The following YTHDF1 variants were observed in gnomAD, a reference collection of about 807,000 sequenced individuals.
The protein encoded by YTHDF1 is YTH N6-methyladenosine RNA binding protein F1.
Under a neutral mutation model 49.1 loss-of-function variants are expected in YTHDF1, and 16 were observed. The observed-to-expected ratio is 0.33, with a 90% CI of 0.22 to 0.49. The LOEUF is 0.49. YTHDF1 is among the 20% of genes least tolerant of loss of function. YTHDF1 has a pLI of 0.99. For synonymous variants in YTHDF1, 313 were observed against 290.1 expected (o/e 1.08, Z -0.80); for missense variants, 621 against 744.3 (o/e 0.83, Z 1.93).
Position 63,202,760 on chromosome 20 carries a change from T to G in YTHDF1, c.1180A>C (p.Ile394Leu). 2 of 1,614,210 alleles carry G rather than the reference T, an allele frequency of 1.2e-6. No homozygotes were observed. Among genetic ancestry groups the G allele is most frequent in the Non-Finnish European group, 1.7e-6 (2 of 1,180,052 alleles). ...WNLKSGRVFI[I>L]KSYSEDDIHR... The stretch of plus-strand genomic sequence containing the variant: ...ATGTCGTCCTCAGAGTAGCTCTTGA[T>G]GATGAACACACGCCCGCTTTTCAGA... The change falls in exon 4 of 5, where the codon ATC becomes CTC. Residue 394 changes from isoleucine to leucine, a missense_variant. Ile to Leu is a conservative substitution (Grantham distance 5). This residue lies in a region of YTHDF1 where 151 missense variants were observed against 248.5 expected (regional missense o/e 0.61). Transcript: ENST00000370339.
chr20:63,199,929 G>A (rs930127530), intron 4 of YTHDF1, among the ~76,000 whole-genome samples: 2 of 152,048 alleles, frequency 1.3e-5, no homozygotes, highest in South Asian at 2.1e-4. Context: ...GCGTGGTGGT[G>A]CACGCCTGTA....
chr20:63,199,837 CTGTT>C (rs11466920), intron 4 of YTHDF1, among the ~76,000 whole-genome samples: 46,599 of 151,740 alleles, frequency 0.31, 7,078 homozygotes, highest in Middle Eastern at 0.42. Context: ...GGTGGGAAGA[CTGTT>C]TGAGCCCAGG....
At chr20:63,207,682 C>T (rs958250418) in intron 3 of YTHDF1, among the ~76,000 whole-genome samples, 8 of 152,030 alleles carry the variant, frequency 5.3e-5, no homozygotes, top group African/African-American at 7.3e-5. Flanking sequence ...GCAGCCCCTG[C>T]GGAGAACTGA....
rs571461410 is a variant in YTHDF1, at chr20:63,206,893, CCCCACACTCCTT to C, written c.133-3098_133-3087del. 4.2e-4 allele frequency among the ~76,000 whole-genome samples: 62 copies of C among 147,450 alleles called. No individual in the cohort carries two copies. In the South Asian group the frequency reaches 0.012, roughly 29 times the overall value. Reference sequence around the variant, plus strand: ...TTATGAGCCACATGTCAGGCTGCTGCCCCACACTCCTTCCCTGGTGAGGGAAGCTGTCCCATT... The same window carrying C: ...TTATGAGCCACATGTCAGGCTGCTGCCCCTGGTGAGGGAAGCTGTCCCATT... On this transcript the variant is annotated intron_variant, in intron 3 of 4. Transcript: ENST00000370339.
chr20:63,203,588 G>A lies in YTHDF1; in HGVS notation c.352C>T (p.His118Tyr), dbSNP rs1372969466. The A allele has an allele frequency of 5.0e-6, 8 of 1,614,040 alleles. No homozygotes were observed. In the Admixed American group the frequency reaches 1.3e-4, roughly 27 times the overall value. ...TTTTCAGGGAAAAAATTGAACCTGT[G>A]CTGATAGATGTTGTTCCCCAGGCCC... is the stretch of plus-strand genomic sequence containing the variant. ...PGGLGNNIYQ[H>Y]RFNFFPENPA... Residue 118 changes from histidine to tyrosine, a missense_variant, in exon 4 of 5, where the codon CAC (histidine) becomes TAC (tyrosine). This residue lies in a region of YTHDF1 where 470 missense variants were observed against 495.8 expected (regional missense o/e 0.95). Transcript: ENST00000370339. This position sits in a 1 kb window ranked among gnomAD's most constrained non-coding sequence, Gnocchi z 4.4.
intron 3 of YTHDF1, among the ~76,000 whole-genome samples, chr20:63,210,938 T>C (rs1913895525): frequency 6.6e-6 from 1 of 152,144 alleles, no homozygotes. Context: ...CAGGGGCAAC[T>C]AGGACTGAAA....
intron 4 of YTHDF1, among the ~76,000 whole-genome samples, chr20:63,200,520 T>C (rs1220501371): frequency 6.6e-6 from 1 of 152,202 alleles, no homozygotes; most frequent in Non-Finnish European, 1.5e-5. Context: ...CTTCCAATGA[T>C]GCTCCACCAG....
At chr20:63,205,784 C>A (rs2066543109) in intron 3 of YTHDF1, among the ~76,000 whole-genome samples, 1 of 152,184 alleles carries the variant, frequency 6.6e-6, no homozygotes. Flanking sequence ...GCTGGAATTA[C>A]AGGCATGAGC....
At chr20:63,207,609 T>C (rs539683325) in intron 3 of YTHDF1, among the ~76,000 whole-genome samples, 70 of 152,344 alleles carry the variant, frequency 4.6e-4, no homozygotes, top group African/African-American at 1.7e-3. Flanking sequence ...ACCATGATCC[T>C]GTTACTCTGC....
At chr20:63,207,938 C>G (rs1393385641) in intron 3 of YTHDF1, among the ~76,000 whole-genome samples, 2 of 151,760 alleles carry the variant, frequency 1.3e-5, no homozygotes, top group Admixed American at 1.3e-4. Context: ...CTGCCATGAG[C>G]CAAGATCACG....
chr20:63,203,583 C>T lies in YTHDF1; in HGVS notation c.357G>A (p.Arg119=). Residue 119 remains arginine, a synonymous_variant, in exon 4 of 5, where the codon AGG becomes AGA. Transcript: ENST00000370339. This position sits in a 1 kb window ranked among gnomAD's most constrained non-coding sequence, Gnocchi z 4.4. ...GGLGNNIYQH[R]FNFFPENPAF... is the part of the protein sequence containing the mutation. Reference sequence around the variant, plus strand: ...CAGGGTTTTCAGGGAAAAAATTGAACCTGTGCTGATAGATGTTGTTCCCCA... The same window carrying T: ...CAGGGTTTTCAGGGAAAAAATTGAATCTGTGCTGATAGATGTTGTTCCCCA... 2 of 1,614,134 alleles carry T rather than the reference C, an allele frequency of 1.2e-6. No individual in the cohort carries two copies. Among genetic ancestry groups the T allele is most frequent in the Middle Eastern group, 3.3e-4 (2 of 6,062 alleles).
rs777245392 is a variant in YTHDF1, at chr20:63,196,663, G to C, written c.*45C>G. 6.2e-7 allele frequency: 1 copy of C among 1,612,550 alleles called. No homozygotes were observed. The highest frequency in any genetic ancestry group is 1.1e-5 in the South Asian group (1 of 90,932). On this transcript the variant is annotated 3_prime_UTR_variant, in exon 5 of 5. Transcript: ENST00000370339. ...TGACCAAGCACACGTGTTTTAAACT[G>C]TTTTCAAAGTCAAACGTTAGAACAT...
intron 3 of YTHDF1, among the ~76,000 whole-genome samples, chr20:63,206,364 T>TA (rs746335419): frequency 3.3e-5 from 5 of 152,200 alleles, no homozygotes. Context: ...GGACATCACT[T>TA]ACCACATGAA....
In YTHDF1 at chr20:63,196,650, C is replaced by A. The variant is rs373457427; in HGVS notation, c.*58G>T. ...GACACACTGGAGCTGACCAAGCACA[C>A]GTGTTTTAAACTGTTTTCAAAGTCA... On this transcript the variant is annotated 3_prime_UTR_variant, in exon 5 of 5. Transcript: ENST00000370339. 1 of 1,606,434 alleles carries A rather than the reference C, an allele frequency of 6.2e-7. No individual in the cohort carries two copies. Among genetic ancestry groups the A allele is most frequent in the East Asian group, 2.2e-5 (1 of 44,458 alleles).
chr20:63,200,484 C>CA (rs1234344572), intron 4 of YTHDF1, among the ~76,000 whole-genome samples: 1 of 152,142 alleles, frequency 6.6e-6, no homozygotes, highest in African/African-American at 2.4e-5. Context: ...GCTTGGCTAA[C>CA]AGTTTAGGGG....
chr20:63,211,991 ACACACAC>A (rs2066576742), intron 3 of YTHDF1, among the ~76,000 whole-genome samples: 2 of 137,160 alleles, frequency 1.5e-5, no homozygotes, highest in Middle Eastern at 4.2e-3. Context: ...ACACACACAC[ACACACAC>A]ACACACACAC....
chr20:63,214,387 T>A (rs759682103), intron 2 of YTHDF1, among the ~76,000 whole-genome samples: 6 of 152,344 alleles, frequency 3.9e-5, no homozygotes, highest in African/African-American at 1.4e-4. Context: ...GGAGCTATTA[T>A]CTGACTCTCC....
chr20:63,199,966 A>C (rs2066510264), intron 4 of YTHDF1, among the ~76,000 whole-genome samples: 1 of 152,170 alleles, frequency 6.6e-6, no homozygotes, highest in African/African-American at 2.4e-5. Context: ...AGGCAGGAAG[A>C]CCGCTTGAGC....
chr20:63,215,651 G>C (rs758664113), intron 1 of YTHDF1, 50 bp from the exon 2 acceptor site: 2 of 1,575,532 alleles, frequency 1.3e-6, no homozygotes, highest in Non-Finnish European at 1.7e-6. Flanking sequence ...CGGGGGAAGA[G>C]GGAAACACAA....
Sources: allele counts gnomAD v4.1 joint callset (sites outside exome capture counted in the v4.1 genomes callset), GRCh38; gene constraint gnomAD v4.1.1; regional missense constraint gnomAD v4.1.1; non-coding constraint Gnocchi (gnomAD v3.1); transcripts MANE v1.5; gene names NCBI Gene and HGNC (gene_info 2026-07-23, HGNC 2026-07-21).